The following INCENP variants were observed in gnomAD, a reference collection of about 807,000 sequenced individuals.
INCENP encodes inner centromere protein.
A neutral mutation model predicts 107.3 loss-of-function variants in INCENP; 43 were observed. The observed-to-expected ratio is 0.40, with a 90% confidence interval of 0.31 to 0.52. The LOEUF (loss-of-function observed/expected upper bound fraction) is 0.52, where lower values mean the gene tolerates loss of function less well. Ranked by LOEUF, INCENP falls within the 20% of genes least tolerant of loss-of-function variation. The pLI, the probability that INCENP is intolerant of heterozygous loss-of-function variation, is 0.53. For missense variants in INCENP, 1,089 were observed against 1,250.9 expected (o/e 0.87, Z 1.95); for synonymous variants, 488 against 494.4 (o/e 0.99, Z 0.17).
At chr11:62,138,041 AGTGATGTGG>A (rs1410945042) in intron 5 of INCENP, 158 bp downstream of exon 5, 19 of 687,188 alleles carry the variant, frequency 2.8e-5, no homozygotes, top group Non-Finnish European at 4.4e-5. Context: ...CCAGGCAGTG[AGTGATGTGG>A]GTGTTGGCCA....
intron 11 of INCENP, among the ~76,000 whole-genome samples, chr11:62,142,066 A>G (rs770817723): frequency 6.6e-6 from 1 of 152,174 alleles, no homozygotes; most frequent in Non-Finnish European, 1.5e-5. Flanking sequence ...CTTCTCAGAC[A>G]CCTCAGAGCT....
intron 11 of INCENP, among the ~76,000 whole-genome samples, chr11:62,141,950 C>T (rs1172415574): frequency 2.6e-5 from 4 of 152,266 alleles, no homozygotes; most frequent in East Asian, 3.9e-4. Context: ...GATGGGGGAG[C>T]GCAAGTGTGG....
At chr11:62,134,066 T>G (rs926694971) in intron 4 of INCENP, among the ~76,000 whole-genome samples, 2 of 152,154 alleles carry the variant, frequency 1.3e-5, no homozygotes, top group Non-Finnish European at 2.9e-5. Flanking sequence ...CCTAGACCAG[T>G]GGCACTGGGA....
Position 62,128,644 on chromosome 11 carries a change from C to T in INCENP, c.141-126C>T, listed in dbSNP as rs1415308651. 10 of 718,098 alleles carry T rather than the reference C, an allele frequency of 1.4e-5. No individual in the cohort carries two copies. In the East Asian group the frequency reaches 2.3e-4, roughly 17 times the overall value. The allele number at this position is 718,098 out of a possible 1,614,324, so 44.5% of individuals were successfully genotyped here. A position where few individuals can be genotyped will look rare whatever the true frequency, so the allele number is the denominator to read the frequency against. On this transcript the variant is annotated intron_variant, in intron 2 of 18. Transcript: ENST00000394818. ...GACTTGCACATGGCCTTGGAGAGCT[C>T]ACTTGGTGCTGGACACCCCAGCTTG...
At chr11:62,145,535 G>A (rs1944222856) in intron 13 of INCENP, 94 bp from the exon 14 acceptor site, 1 of 1,453,988 alleles carries the variant, frequency 6.9e-7, no homozygotes, top group Non-Finnish European at 9.2e-7. Flanking sequence ...CAGGTGTGCA[G>A]GGGCAGGTGG....
chr11:62,129,929 T>C lies in INCENP; in HGVS notation c.402T>C (p.Ala134=). 1.9e-6 allele frequency: 3 copies of C among 1,613,996 alleles called. No individual in the cohort carries two copies. The highest frequency in any genetic ancestry group is 2.5e-6 in the Non-Finnish European group (3 of 1,180,010). ...GTGCTGCGGCTGCAGCTGCCGCGGCTACCATGGCATTGGCTGCACCTTCTT... is the reference window on the plus strand; with the variant it reads ...GTGCTGCGGCTGCAGCTGCCGCGGCCACCATGGCATTGGCTGCACCTTCTT... ...VTRAAAAAAA[A]TMALAAPSSP... The change falls in exon 4 of 19, where the codon GCT becomes GCC. Residue 134 remains alanine (A), a synonymous_variant. Transcript: ENST00000394818.
intron 1 of INCENP, among the ~76,000 whole-genome samples, chr11:62,124,882 TAAATG>T (rs953964327): frequency 6.6e-6 from 1 of 152,228 alleles, no homozygotes; most frequent in African/African-American, 2.4e-5. Context: ...TGGTGAGAAT[TAAATG>T]AGATGATGTC....
Position 62,145,680 on chromosome 11 carries a change from A to C in INCENP, c.1888A>C (p.Lys630Gln). 1 of 1,573,208 alleles carries C rather than the reference A, an allele frequency of 6.4e-7. No homozygotes were observed. The highest frequency in any genetic ancestry group is 1.4e-5 in the African/African-American group (1 of 74,052). ...GAAGGCCAAGAAAAAGGCGGCGGCC[A>C]AGAAGATGGAGGAGGTGGAAGCACG... ...EEKAKKKAAA[K>Q]KMEEVEARRK... The change falls in exon 14 of 19, where the codon AAG becomes CAG. Residue 630 changes from lysine to glutamine, a missense_variant. Coordinates refer to ENST00000394818, the MANE Select transcript of INCENP (RefSeq NM_001040694.2).
rs188088346 is a variant in INCENP, at chr11:62,150,295, G to A, written c.2542+88G>A. The A allele has an allele frequency of 1.2e-4, 162 of 1,386,148 alleles. No homozygotes were observed. In the East Asian group the frequency reaches 3.0e-3, roughly 25 times the overall value. 85.9% of individuals were successfully genotyped at this position (1,386,148 alleles called of 1,614,324 possible). On this transcript the variant is annotated intron_variant, in intron 18 of 18. Coordinates refer to ENST00000394818, the MANE Select transcript of INCENP (RefSeq NM_001040694.2). ...CTGGAAGTAGTGGGTTGGCTGCTGC[G>A]GTGTTGGGAGGCTGCCGTGTGCTTC...
intron 3 of INCENP, 109 bp downstream of exon 3, chr11:62,128,992 AG>A (rs1943818959): frequency 1.3e-6 from 1 of 758,680 alleles, no homozygotes; most frequent in Non-Finnish European, 2.3e-6. Flanking sequence ...AGCCTGTAGG[AG>A]GGGTGGTGGG....
rs1388829370 is a variant in INCENP, at chr11:62,148,936, C to T, written c.2391+90C>T. The T allele has an allele frequency of 9.6e-6, 7 of 731,236 alleles. No individual in the cohort carries two copies. The Middle Eastern group carries it at 7.4e-4, about 77-fold the overall frequency. 45.3% of individuals were successfully genotyped at this position (731,236 alleles called of 1,614,324 possible). On this transcript the variant is annotated intron_variant, in intron 17 of 18. Transcript: ENST00000394818. The stretch of plus-strand genomic sequence containing the variant: ...AGCTAGAGGCACAGGCTGTGTTAGG[C>T]CCCTAAGGAAAAGGACAGATACACT...
chr11:62,144,962 C>G lies in INCENP; in HGVS notation c.1606-20C>G, dbSNP rs886899494. On this transcript the variant is annotated intron_variant, in intron 11 of 18. Coordinates refer to ENST00000394818, the MANE Select transcript of INCENP (RefSeq NM_001040694.2). ...TCGTCCTTGCTCATGTCCCATCTCC[C>G]TCGCTCCCCGCCACCCCAGGAGAAG... The G allele has an allele frequency of 1.5e-5, 24 of 1,583,208 alleles. No individual in the cohort carries two copies. Among genetic ancestry groups the G allele is most frequent in the Non-Finnish European group, 2.0e-5 (23 of 1,165,440 alleles).
At chr11:62,126,576 A>G (rs577353640) in intron 1 of INCENP, among the ~76,000 whole-genome samples, 38 of 152,312 alleles carry the variant, frequency 2.5e-4, no homozygotes, top group African/African-American at 9.1e-4. Flanking sequence ...GTTATGGCTT[A>G]TGACCACCAC....
In INCENP at chr11:62,152,064, C is replaced by A; in HGVS notation, c.*88C>A. 2.0e-6 allele frequency: 2 copies of A among 1,017,030 alleles called. No individual in the cohort carries two copies. Among genetic ancestry groups the A allele is most frequent in the East Asian group, 2.6e-5 (1 of 38,888 alleles). 63.0% of individuals were successfully genotyped at this position (1,017,030 alleles called of 1,614,324 possible). On this transcript the variant is annotated 3_prime_UTR_variant, in exon 19 of 19. Coordinates refer to ENST00000394818, the MANE Select transcript of INCENP (RefSeq NM_001040694.2). ...GTCTCTGTCTTGGTCTGTTGCCCTC[C>A]TTCTTGGCATGCCATTGTGGAGGGC... is the stretch of plus-strand genomic sequence containing the variant.
chr11:62,137,080 G>A (rs1018016335), intron 4 of INCENP, among the ~76,000 whole-genome samples: 1 of 152,094 alleles, frequency 6.6e-6, no homozygotes, highest in African/African-American at 2.4e-5. Flanking sequence ...TGGACCAGGC[G>A]CAGTGGCTCA....
Position 62,140,974 on chromosome 11 carries a change from C to T in INCENP, c.1523C>T (p.Pro508Leu). The T allele has an allele frequency of 1.9e-6, 3 of 1,614,228 alleles. No individual in the cohort carries two copies. Among genetic ancestry groups the T allele is most frequent in the Non-Finnish European group, 2.5e-6 (3 of 1,180,044 alleles). Reference protein sequence around the residue: ...TVQRNQMLMTPTSAPRSVMKS... With the variant: ...TVQRNQMLMTLTSAPRSVMKS... ...CAGAGGAACCAGATGCTCATGACCCCGACCTCAGCCCCACGCAGCGTCATG... is the reference window on the plus strand; with the variant it reads ...CAGAGGAACCAGATGCTCATGACCCTGACCTCAGCCCCACGCAGCGTCATG... The change falls in exon 10 of 19, where the codon CCG becomes CTG. Residue 508 changes from proline to leucine, a missense_variant. Transcript: ENST00000394818.
intron 1 of INCENP, 92 bp from the exon 2 acceptor site, chr11:62,128,059 G>T: frequency 1.5e-6 from 2 of 1,309,922 alleles, no homozygotes; most frequent in Non-Finnish European, 1.1e-6. Context: ...GTTTGTGGTG[G>T]TTGTGGGTCA....
In INCENP at chr11:62,150,125, T is replaced by C; in HGVS notation, c.2460T>C (p.Asp820=). 2 of 1,613,976 alleles carry C rather than the reference T, an allele frequency of 1.2e-6. No individual in the cohort carries two copies. The highest frequency in any genetic ancestry group is 3.3e-5 in the Admixed American group (2 of 60,018). ...GGGCCCCTCCCAAGATCAACCCAGA[T>C]AACTACGGGATGGATCTGAATAGCG... ...GHRAPPKINP[D]NYGMDLNSDD... Residue 820 remains aspartate, a synonymous_variant, in exon 18 of 19, where the codon GAT becomes GAC. Transcript: ENST00000394818.
In INCENP at chr11:62,129,908, T is replaced by TGCGGCTGCAGCTGCC; in HGVS notation, c.388_402dup (p.Ala130_Ala134dup). On this transcript the variant is annotated inframe_insertion, in exon 4 of 19. Transcript: ENST00000394818. ...CCGTCCTGCGGCGTGTGACCCGTGC[T>TGCGGCTGCAGCTGCC]GCGGCTGCAGCTGCCGCGGCTACCA... 1 of 1,613,382 alleles carries TGCGGCTGCAGCTGCC rather than the reference T, an allele frequency of 6.2e-7. No individual in the cohort carries two copies. Among genetic ancestry groups the TGCGGCTGCAGCTGCC allele is most frequent in the Non-Finnish European group, 8.5e-7 (1 of 1,180,010 alleles).
Sources: allele counts gnomAD v4.1 joint callset (sites outside exome capture counted in the v4.1 genomes callset), GRCh38; gene constraint gnomAD v4.1.1; transcripts MANE v1.5; gene names NCBI Gene and HGNC (gene_info 2026-07-23, HGNC 2026-07-21).